The following GLI3 variants were observed in gnomAD, a reference collection of about 807,000 sequenced individuals.
GLI3 encodes transcription activator GLI3.
Under a neutral mutation model 100.8 loss-of-function variants are expected in GLI3, and 20 were observed. The ratio of observed to expected loss-of-function variants is 0.20; its 90% CI spans 0.14 to 0.29. The LOEUF (loss-of-function observed/expected upper bound fraction) is 0.29, where lower values mean the gene tolerates loss of function less well. Ranked by LOEUF, GLI3 falls within the 10% of genes least tolerant of loss-of-function variation. GLI3 has a pLI of 1.00. For synonymous variants in GLI3, 938 were observed against 860.5 expected, an observed-to-expected ratio of 1.09 and a Z score of -1.58; for missense variants, 2,040 against 2,128.5, an observed-to-expected ratio of 0.96 and a Z score of 0.82.
intron 10 of GLI3, among the ~76,000 whole-genome samples, chr7:42,018,371 T>C (rs1788829429): frequency 6.6e-6 from 1 of 152,222 alleles, no homozygotes; most frequent in Non-Finnish European, 1.5e-5. Flanking sequence ...ACAAAACTAA[T>C]TTCTGCCTCA....
intron 2 of GLI3, among the ~76,000 whole-genome samples, chr7:42,170,648 C>T (rs548068167): frequency 3.3e-5 from 5 of 151,916 alleles, no homozygotes; most frequent in Non-Finnish European, 5.9e-5. Context: ...GTGATCCACC[C>T]GCCTTGGCCT....
rs568683760 is a variant in GLI3 at position 41,985,271 on chromosome 7, A to G, written c.1498-6523T>C. On this transcript the variant is annotated intron_variant, in intron 10 of 14. Transcript: ENST00000395925. ...CAAACTGGAAATGTTTGATAGTTTC[A>G]AAATCTTTTTATGTTAGTCTACCAG... 2.0e-5 allele frequency among the ~76,000 whole-genome samples: 3 copies of G among 152,376 alleles called. No individual in the cohort carries two copies. In the East Asian group the frequency reaches 5.8e-4, roughly 29 times the overall value.
At chr7:41,994,208 A>AG (rs1288856247) in intron 10 of GLI3, among the ~76,000 whole-genome samples, 1 of 152,220 alleles carries the variant, frequency 6.6e-6, no homozygotes, top group Non-Finnish European at 1.5e-5. Flanking sequence ...GACAAGATTA[A>AG]GCTGCACTCT....
At chr7:42,168,526 T>A (rs1787292244) in intron 2 of GLI3, among the ~76,000 whole-genome samples, 1 of 152,144 alleles carries the variant, frequency 6.6e-6, no homozygotes, top group South Asian at 2.1e-4. Flanking sequence ...CCAAGGGGGA[T>A]GAACATGCAC....
intron 3 of GLI3, among the ~76,000 whole-genome samples, chr7:42,129,908 C>G (rs1786231391): frequency 6.6e-6 from 1 of 152,182 alleles, no homozygotes; most frequent in Admixed American, 6.5e-5. Flanking sequence ...CACATGAGCA[C>G]AGGTAGCTGG....
At chr7:41,968,763 G>T (rs11977224) in intron 13 of GLI3, among the ~76,000 whole-genome samples, 1 of 56,690 alleles carries the variant, frequency 1.8e-5, no homozygotes, top group Non-Finnish European at 3.3e-5. Context: ...AAAGAAAGAA[G>T]GAAAGAAAGA....
At chr7:42,191,650 C>CAAAA (rs774316500) in intron 2 of GLI3, among the ~76,000 whole-genome samples, 3 of 146,626 alleles carry the variant, frequency 2.0e-5, no homozygotes, top group African/African-American at 7.6e-5. Flanking sequence ...AACTCCGTTT[C>CAAAA]AAAAAATATA....
intron 10 of GLI3, among the ~76,000 whole-genome samples, chr7:41,981,950 A>C (rs1419814815): frequency 1.3e-5 from 2 of 151,980 alleles, no homozygotes; most frequent in East Asian, 3.9e-4. Flanking sequence ...GAAATCCCAC[A>C]CCAGTCAGCA....
rs1335772478 is a variant in GLI3 at position 41,971,052 on chromosome 7, G to A, written c.2103+1285C>T. On this transcript the variant is annotated intron_variant, in intron 13 of 14. Transcript: ENST00000395925. Reference sequence around the variant, plus strand: ...CATGATAAATCTGCATAGCTGATTTGTGTTATTTTTGGCTAGACTTAATGT... The same window carrying A: ...CATGATAAATCTGCATAGCTGATTTATGTTATTTTTGGCTAGACTTAATGT... Among the ~76,000 whole-genome samples the A allele has an allele frequency of 2.0e-5, 3 of 152,134 alleles. No homozygotes were observed. In the East Asian group the frequency reaches 5.8e-4, roughly 29 times the overall value.
intron 3 of GLI3, among the ~76,000 whole-genome samples, chr7:42,081,633 G>A (rs17172006): frequency 0.1 from 15,137 of 152,074 alleles, 1,717 homozygotes; most frequent in African/African-American, 0.28. Flanking sequence ...GAGAATAACC[G>A]AGAAAGACAC....
At chr7:42,227,237 C>G (rs375871821) in intron 1 of GLI3, among the ~76,000 whole-genome samples, 45 of 151,486 alleles carry the variant, frequency 3.0e-4, no homozygotes, top group African/African-American at 1.1e-3. Flanking sequence ...ACATTACATG[C>G]AAGATTTGCT....
intron 4 of GLI3, among the ~76,000 whole-genome samples, chr7:42,062,606 A>G (rs1312057451): frequency 1.6e-5 from 2 of 123,246 alleles, no homozygotes; most frequent in East Asian, 4.9e-4. Context: ...CTATTTTTAT[A>G]TTAACAACAT....
At chr7:42,007,834 C>G (rs963708876) in intron 10 of GLI3, among the ~76,000 whole-genome samples, 2 of 152,154 alleles carry the variant, frequency 1.3e-5, no homozygotes, top group African/African-American at 4.8e-5. Flanking sequence ...CTGAGGAACT[C>G]AGAGGTTCAC....
At chr7:42,100,826 A>G (rs1228744542) in intron 3 of GLI3, among the ~76,000 whole-genome samples, 1 of 152,216 alleles carries the variant, frequency 6.6e-6, no homozygotes, top group Non-Finnish European at 1.5e-5. Context: ...TGATGCTGCC[A>G]TGAGACAAGA....
intron 4 of GLI3, among the ~76,000 whole-genome samples, chr7:42,060,747 T>C (rs928663000): frequency 2.6e-5 from 4 of 152,158 alleles, no homozygotes; most frequent in Non-Finnish European, 4.4e-5. Context: ...GTAGAAAGAA[T>C]GGCTCCTCAA....
Position 41,989,206 on chromosome 7 carries a change from C to G in GLI3, c.1498-10458G>C, listed in dbSNP as rs184358653. 2.1e-3 allele frequency among the ~76,000 whole-genome samples: 318 copies of G among 152,256 alleles called. 1 individual carries two copies. Among genetic ancestry groups the G allele is most frequent in the Non-Finnish European group, 3.9e-3 (266 of 68,008 alleles). On this transcript the variant is annotated intron_variant, in intron 10 of 14. Coordinates refer to ENST00000395925, the MANE Select transcript of GLI3 (RefSeq NM_000168.6). ...TTCAGTAGTATCTATTCTAGAGATA[C>G]TTTTAAAAAAGACTATTAAACACAG...
intron 3 of GLI3, among the ~76,000 whole-genome samples, chr7:42,094,600 G>A (rs1442023646): frequency 1.3e-5 from 2 of 152,102 alleles, no homozygotes. Flanking sequence ...AGGGCATGGT[G>A]GTGGGCACCT....
At chr7:42,135,680 G>A (rs954388717) in intron 3 of GLI3, among the ~76,000 whole-genome samples, 1 of 152,184 alleles carries the variant, frequency 6.6e-6, no homozygotes, top group African/African-American at 2.4e-5. Context: ...TCTTTAGCCT[G>A]CACGGGCCCT....
At chr7:42,173,133 T>C (rs1218271142) in intron 2 of GLI3, among the ~76,000 whole-genome samples, 1 of 152,204 alleles carries the variant, frequency 6.6e-6, no homozygotes, top group Admixed American at 6.5e-5. Flanking sequence ...GTACCATAAG[T>C]GCTGGTGAAA....
Sources: gnomAD v4.1 joint callset for allele counts (sites outside exome capture counted in the v4.1 genomes callset) on GRCh38, gnomAD v4.1.1 for gene constraint, MANE v1.5 for transcripts, NCBI Gene and HGNC (gene_info 2026-07-23, HGNC 2026-07-21) for gene names.